The following SHISA9 variants were observed in gnomAD, a reference collection of about 807,000 sequenced individuals.
The protein encoded by SHISA9 is shisa family member 9.
A neutral mutation model predicts 38.0 loss-of-function variants in SHISA9; 13 were observed. The ratio of observed to expected loss-of-function variants is 0.34; its 90% confidence interval spans 0.22 to 0.54. The LOEUF is 0.54. Among genes scored for constraint, SHISA9 ranks in the 20% least tolerant of loss-of-function variants. SHISA9 has a pLI of 0.91. For synonymous variants in SHISA9, 275 were observed against 242.0 expected (o/e 1.14, Z -1.27); for missense variants, 538 against 575.8 (o/e 0.93, Z 0.67).
At chr16:12,917,347 T>C (rs186596231) in intron 2 of SHISA9, among the ~76,000 whole-genome samples, 232 of 152,294 alleles carry the variant, frequency 1.5e-3, no homozygotes, top group Non-Finnish European at 2.4e-3. Context: ...GAATATTCCG[T>C]GTGTAGGGGG....
At chr16:13,108,582 A>G (rs2073948694) in intron 2 of SHISA9, among the ~76,000 whole-genome samples, 1 of 152,106 alleles carries the variant, frequency 6.6e-6, no homozygotes, top group Non-Finnish European at 1.5e-5. Flanking sequence ...AGCATCTTTG[A>G]TTAGAAAACC....
the SHISA9 span, among the ~76,000 whole-genome samples, chr16:13,415,382 G>A: frequency 6.6e-6 from 1 of 152,178 alleles, no homozygotes; most frequent in Admixed American, 6.6e-5. Context: ...GGAGCTAAAT[G>A]ATGAGAACAC....
rs545861658 is a variant in SHISA9 at position 13,213,246 on chromosome 16, T to A, written c.848-7T>A. 1 of 1,551,644 alleles carries A rather than the reference T, an allele frequency of 6.4e-7. No homozygotes were observed. Among genetic ancestry groups the A allele is most frequent in the Admixed American group, 2.0e-5 (1 of 51,000 alleles). ...TCATCAGCATTTCTTGATTGTTATT[T>A]TTTTAGGAAGTTCTGATGGTGACTG... On this transcript the variant is annotated splice_polypyrimidine_tract_variant and splice_region_variant and intron_variant, in intron 3 of 4. Coordinates refer to ENST00000558583, the MANE Select transcript of SHISA9 (RefSeq NM_001145204.3).
At chr16:13,136,336 G>A (rs1016222018) in intron 2 of SHISA9, among the ~76,000 whole-genome samples, 12 of 149,142 alleles carry the variant, frequency 8.0e-5, no homozygotes, top group Non-Finnish European at 1.6e-4. Flanking sequence ...TAGGGGCTCA[G>A]TAAATGTGCA....
chr16:13,453,685 A>G, the SHISA9 span, among the ~76,000 whole-genome samples: 4 of 152,348 alleles, frequency 2.6e-5, no homozygotes, highest in African/African-American at 9.6e-5. Context: ...CTAGTAAAAC[A>G]TAATAAATGG....
intron 2 of SHISA9, among the ~76,000 whole-genome samples, chr16:13,013,602 G>T (rs1433738824): frequency 6.6e-6 from 1 of 152,190 alleles, no homozygotes; most frequent in Non-Finnish European, 1.5e-5. Flanking sequence ...CCTGTAGGAA[G>T]GGTGTCTCCT....
the SHISA9 span, among the ~76,000 whole-genome samples, chr16:13,250,077 T>G: frequency 1.3e-5 from 2 of 152,106 alleles, no homozygotes; most frequent in Non-Finnish European, 2.9e-5. Flanking sequence ...CCTCACCACT[T>G]CCATACCTAG....
At chr16:13,401,406 C>T in the SHISA9 span, among the ~76,000 whole-genome samples, 1 of 152,134 alleles carries the variant, frequency 6.6e-6, no homozygotes, top group Non-Finnish European at 1.5e-5. Flanking sequence ...GCAAGGCCCA[C>T]GCATATTACT....
chr16:13,253,197 T>G, the SHISA9 span, among the ~76,000 whole-genome samples: 3 of 152,246 alleles, frequency 2.0e-5, 1 homozygote, highest in South Asian at 6.2e-4. Context: ...GTAGGATTTC[T>G]GGTCAATAAT....
At position 13,113,209 on chromosome 16, in the gene SHISA9, C is replaced by CAAAAA. The variant is rs35316820; in HGVS notation, c.692-90165_692-90161dup. 5.9e-3 allele frequency among the ~76,000 whole-genome samples: 383 copies of CAAAAA among 65,220 alleles called. 8 individuals carry two copies. Among genetic ancestry groups the CAAAAA allele is most frequent in the African/African-American group, 0.022 (364 of 16,508 alleles). The allele number at this position is 65,220 out of a possible 152,430, so 42.8% of individuals were successfully genotyped here. ...TGGACAACAGAATGAGACTCCATCTCAAAAAAAAAAAAAAAAAAAAAAAAT... is the reference window on the plus strand; with the variant it reads ...TGGACAACAGAATGAGACTCCATCTCAAAAAAAAAAAAAAAAAAAAAAAAAAAAAT... On this transcript the variant is annotated intron_variant, in intron 2 of 4. Transcript: ENST00000558583.
At chr16:13,010,544 CAATCAG>C (rs1171257146) in intron 2 of SHISA9, among the ~76,000 whole-genome samples, 3 of 152,184 alleles carry the variant, frequency 2.0e-5, no homozygotes, top group African/African-American at 7.2e-5. Context: ...TAAAAGCAGA[CAATCAG>C]AATCAGCAGC....
At position 13,235,597 on chromosome 16, in the gene SHISA9, C is replaced by T. The variant is rs1008126806; in HGVS notation, c.*188C>T. 1.4e-5 allele frequency: 10 copies of T among 710,684 alleles called. No individual in the cohort carries two copies. The highest frequency in any genetic ancestry group is 4.0e-4 in the Middle Eastern group (1 of 2,518). 44.0% of individuals were successfully genotyped at this position (710,684 alleles called of 1,614,324 possible). A position where few individuals can be genotyped will look rare whatever the true frequency, so the allele number is the denominator to read the frequency against. ...CTAGGTCATGCCTGTAACGTGTCGG[C>T]GGGCAGCTGAGAAAGACCGAAGCGT... is the stretch of plus-strand genomic sequence containing the variant. On this transcript the variant is annotated 3_prime_UTR_variant, in exon 5 of 5. Coordinates refer to ENST00000558583, the MANE Select transcript of SHISA9 (RefSeq NM_001145204.3).
At chr16:13,028,569 G>A (rs2072953496) in intron 2 of SHISA9, among the ~76,000 whole-genome samples, 1 of 152,112 alleles carries the variant, frequency 6.6e-6, no homozygotes, top group Admixed American at 6.5e-5. Flanking sequence ...ACAGTATGGG[G>A]GAAACTGCCT....
chr16:13,505,677 C>T, the SHISA9 span, among the ~76,000 whole-genome samples: 10 of 152,138 alleles, frequency 6.6e-5, no homozygotes, highest in Non-Finnish European at 1.3e-4. Context: ...TCAGGGGGAC[C>T]TGGAAAGGGC....
the SHISA9 span, among the ~76,000 whole-genome samples, chr16:13,528,966 C>T: frequency 1.3e-5 from 2 of 152,132 alleles, no homozygotes; most frequent in Non-Finnish European, 2.9e-5. Flanking sequence ...TTTAGACCTC[C>T]AGTTTTGTAA....
At chr16:13,110,715 T>C (rs565606348) in intron 2 of SHISA9, among the ~76,000 whole-genome samples, 16 of 152,294 alleles carry the variant, frequency 1.1e-4, no homozygotes, top group African/African-American at 3.6e-4. Flanking sequence ...GAGTCTGTGA[T>C]TGTAGAGTGA....
intron 2 of SHISA9, among the ~76,000 whole-genome samples, chr16:13,153,906 G>A (rs911788572): frequency 6.6e-6 from 1 of 150,876 alleles, no homozygotes; most frequent in African/African-American, 2.4e-5. Context: ...CAACAAGCAC[G>A]TGGCTGAAGC....
the SHISA9 span, among the ~76,000 whole-genome samples, chr16:13,413,947 C>T: frequency 6.6e-6 from 1 of 152,098 alleles, no homozygotes; most frequent in Admixed American, 6.6e-5. Context: ...TAAACTCATC[C>T]TGCAACCGTA....
intron 2 of SHISA9, among the ~76,000 whole-genome samples, chr16:12,958,886 C>A (rs1402112020): frequency 3.9e-5 from 6 of 152,154 alleles, no homozygotes; most frequent in Admixed American, 1.3e-4. Context: ...GTTACATCAA[C>A]AAACAGTATT....
Sources: gnomAD v4.1 joint callset for allele counts (sites outside exome capture counted in the v4.1 genomes callset) on GRCh38, gnomAD v4.1.1 for gene constraint, MANE v1.5 for transcripts, NCBI Gene and HGNC (gene_info 2026-07-23, HGNC 2026-07-21) for gene names.